KANSL1L: variants seen among roughly 807,000 people sequenced by gnomAD.
KANSL1L encodes KAT8 regulatory NSL complex subunit 1-like protein.
A neutral mutation model predicts 108.6 loss-of-function variants in KANSL1L; 25 were observed. The observed-to-expected ratio is 0.23, with a 90% CI of 0.17 to 0.32. The LOEUF is 0.32. KANSL1L is among the 10% of genes least tolerant of loss of function. The pLI is 1.00. For synonymous variants in KANSL1L, 405 were observed against 395.1 expected, an observed-to-expected ratio of 1.03 and a Z score of -0.30; for missense variants, 1,137 against 1,125.7, an observed-to-expected ratio of 1.01 and a Z score of -0.14.
chr2:210,069,680 C>A (rs2094492226), intron 6 of KANSL1L, among the ~76,000 whole-genome samples: 1 of 151,260 alleles, frequency 6.6e-6, no homozygotes, highest in Admixed American at 6.6e-5. Flanking sequence ...TTGACTCATT[C>A]AGTTTCTGTG....
intron 2 of KANSL1L, among the ~76,000 whole-genome samples, chr2:210,131,425 A>G (rs1050405799): frequency 1.3e-5 from 2 of 152,158 alleles, no homozygotes; most frequent in African/African-American, 4.8e-5. Context: ...ACATTCTTTA[A>G]GTTTTGCTCC....
At chr2:210,143,245 T>C (rs770278379) in intron 2 of KANSL1L, among the ~76,000 whole-genome samples, 12 of 152,124 alleles carry the variant, frequency 7.9e-5, no homozygotes, top group Non-Finnish European at 1.3e-4. Context: ...TTTTTTCTGA[T>C]ATACATGTAG....
intron 6 of KANSL1L, among the ~76,000 whole-genome samples, chr2:210,052,186 T>G (rs911824852): frequency 1.3e-5 from 2 of 152,018 alleles, no homozygotes; most frequent in African/African-American, 4.8e-5. Context: ...AAATTTTCTG[T>G]AGAGACAGTA....
intron 1 of KANSL1L, among the ~76,000 whole-genome samples, chr2:210,165,734 G>A (rs1056813649): frequency 6.6e-6 from 1 of 152,082 alleles, no homozygotes; most frequent in African/African-American, 2.4e-5. Context: ...TCCAAAGAAC[G>A]TTCATTGTGA....
Position 210,153,526 on chromosome 2 carries a change from C to T in KANSL1L, c.1057G>A (p.Asp353Asn). Residue 353 changes from aspartate (D) to asparagine (N), a missense_variant, in exon 2 of 15, where the codon GAT becomes AAT. Asp to Asn is a conservative substitution (Grantham distance 23, BLOSUM62 1). Around this residue, in one of 3 missense-constraint regions of KANSL1L, gnomAD observed 556 missense variants for 537.7 expected, o/e 1.03. Transcript: ENST00000281772. ...ATDSSSDDDL[D>N]EYTLRKNVAV... The stretch of plus-strand genomic sequence containing the variant: ...ACATTTTTTCTAAGGGTATATTCAT[C>T]CAAATCGTCATCAGAGCTGCTATCA... 6.2e-7 allele frequency: 1 copy of T among 1,614,026 alleles called. No individual in the cohort carries two copies. Among genetic ancestry groups the T allele is most frequent in the Non-Finnish European group, 8.5e-7 (1 of 1,180,014 alleles).
At chr2:210,060,317 C>T (rs922203905) in intron 6 of KANSL1L, among the ~76,000 whole-genome samples, 2 of 152,046 alleles carry the variant, frequency 1.3e-5, no homozygotes, top group East Asian at 3.9e-4. Flanking sequence ...GCAAATCTGC[C>T]ATAGGAGACA....
chr2:210,095,842 C>A (rs937036755), intron 5 of KANSL1L, among the ~76,000 whole-genome samples: 4 of 152,030 alleles, frequency 2.6e-5, no homozygotes, highest in Non-Finnish European at 4.4e-5. Context: ...AAAATAAATA[C>A]CTTTCCTTCA....
intron 6 of KANSL1L, among the ~76,000 whole-genome samples, chr2:210,070,473 G>A (rs943190061): frequency 7.3e-5 from 11 of 151,418 alleles, no homozygotes; most frequent in African/African-American, 1.2e-4. Context: ...CTCGTGATCC[G>A]CCCGCCTCGG....
At chr2:210,078,711 G>A (rs1297021133) in intron 5 of KANSL1L, among the ~76,000 whole-genome samples, 2 of 152,096 alleles carry the variant, frequency 1.3e-5, no homozygotes, top group South Asian at 2.1e-4. Flanking sequence ...TAACCTCATT[G>A]AAAGCAAAAC....
At chr2:210,131,364 T>C (rs1279709890) in intron 2 of KANSL1L, among the ~76,000 whole-genome samples, 1 of 152,210 alleles carries the variant, frequency 6.6e-6, no homozygotes, top group Non-Finnish European at 1.5e-5. Flanking sequence ...TGATAGGACT[T>C]GCAGAAGTAT....
chr2:210,058,489 C>G (rs956819057), intron 6 of KANSL1L, among the ~76,000 whole-genome samples: 1 of 151,942 alleles, frequency 6.6e-6, no homozygotes, highest in South Asian at 2.1e-4. Context: ...TCTCTGTGAC[C>G]CACACCCTAT....
In KANSL1L at chr2:210,154,236, C is replaced by T. The variant is rs2095321037; in HGVS notation, c.347G>A (p.Gly116Asp). The change falls in exon 2 of 15, where the codon GGC (glycine) becomes GAC (aspartate). Residue 116 changes from glycine (G) to aspartate (D), a missense_variant. Coordinates refer to ENST00000281772, the MANE Select transcript of KANSL1L (RefSeq NM_152519.4). ...CNKLKNILYN[G>D]SNIQLSKICL... ...GATTTTACTGAGCTGAATGTTGCTGCCATTATACAGTATGTTTTTCAGCTT... is the reference window on the plus strand; with the variant it reads ...GATTTTACTGAGCTGAATGTTGCTGTCATTATACAGTATGTTTTTCAGCTT... 1 of 1,613,828 alleles carries T rather than the reference C, an allele frequency of 6.2e-7. No homozygotes were observed. Among genetic ancestry groups the T allele is most frequent in the African/African-American group, 1.3e-5 (1 of 74,864 alleles).
intron 5 of KANSL1L, among the ~76,000 whole-genome samples, chr2:210,079,646 A>ATATATATGTGTGTG (rs1559539669): frequency 3.0e-4 from 4 of 13,124 alleles, no homozygotes; most frequent in Admixed American, 1.5e-3. Flanking sequence ...ATATATATAT[A>ATATATATGTGTGTG]TATATATATA....
At chr2:210,157,691 GAAAA>G (rs56676129) in intron 1 of KANSL1L, among the ~76,000 whole-genome samples, 4 of 47,168 alleles carry the variant, frequency 8.5e-5, no homozygotes, top group Non-Finnish European at 1.4e-4. Flanking sequence ...CACTGTCACA[GAAAA>G]AAAAAAAAAA....
chr2:210,125,878 A>G (rs529489528), intron 3 of KANSL1L, among the ~76,000 whole-genome samples: 7 of 152,226 alleles, frequency 4.6e-5, no homozygotes, highest in Non-Finnish European at 8.8e-5. Flanking sequence ...ATCACACTCA[A>G]GGGTTAAAGA....
At chr2:210,101,795 G>C (rs963621395) in intron 4 of KANSL1L, among the ~76,000 whole-genome samples, 1 of 152,034 alleles carries the variant, frequency 6.6e-6, no homozygotes, top group Non-Finnish European at 1.5e-5. Context: ...ACAAATACAG[G>C]GTGGAAGAAA....
At chr2:210,149,716 TAA>T (rs1405550867) in intron 2 of KANSL1L, among the ~76,000 whole-genome samples, 21 of 152,102 alleles carry the variant, frequency 1.4e-4, no homozygotes, top group Admixed American at 8.5e-4. Flanking sequence ...AAGATACAAA[TAA>T]AGTTATGTCA....
chr2:210,023,134 T>C lies in KANSL1L; in HGVS notation c.2779A>G (p.Met927Val), dbSNP rs772256556. Reference protein sequence around the residue: ...RRAFPLKGEDMAALLCQDEKK... With the variant: ...RRAFPLKGEDVAALLCQDEKK... ...TCATCTTGACATAATAAGGCTGCCA[T>C]GTCTTCACCCTTCAGTGGAAAAGCC... Residue 927 changes from methionine to valine, a missense_variant, in exon 15 of 15, where the codon ATG becomes GTG. Met to Val is a conservative substitution (Grantham distance 21). Coordinates refer to ENST00000281772, the MANE Select transcript of KANSL1L (RefSeq NM_152519.4). 1 of 1,614,086 alleles carries C rather than the reference T, an allele frequency of 6.2e-7. No individual in the cohort carries two copies. Among genetic ancestry groups the C allele is most frequent in the Non-Finnish European group, 8.5e-7 (1 of 1,179,954 alleles).
chr2:210,050,844 A>C (rs2094284663), intron 6 of KANSL1L, among the ~76,000 whole-genome samples: 1 of 152,078 alleles, frequency 6.6e-6, no homozygotes, highest in African/African-American at 2.4e-5. Context: ...CCAGGGCTCA[A>C]GTGATCCTCC....
Sources: allele counts gnomAD v4.1 joint callset (sites outside exome capture counted in the v4.1 genomes callset), GRCh38; gene constraint gnomAD v4.1.1; regional missense constraint gnomAD v4.1.1; transcripts MANE v1.5; gene names NCBI Gene and HGNC (gene_info 2026-07-23, HGNC 2026-07-21).